The following ROBO2 variants were observed in gnomAD, a reference collection of about 807,000 sequenced individuals.
ROBO2 encodes the protein roundabout homolog 2.
ROBO2 carries 53 observed loss-of-function variants against 160.8 expected under a neutral mutation model. That is an observed-to-expected ratio of 0.33 (90% CI 0.26 to 0.41). ROBO2 has a LOEUF of 0.41. ROBO2 is among the 10% of genes least tolerant of loss of function. ROBO2 has a pLI of 1.00. For synonymous variants in ROBO2, 664 were observed against 611.7 expected (o/e 1.09, Z -1.26); for missense variants, 1,577 against 1,722.4 (o/e 0.92, Z 1.49).
intron 5 of ROBO2, among the ~76,000 whole-genome samples, chr3:77,513,281 C>G (rs2089629324): frequency 6.6e-6 from 1 of 151,726 alleles, no homozygotes; most frequent in South Asian, 2.1e-4. Context: ...GCTAGAAAAT[C>G]ATGAGAAGTT....
chr3:76,252,340 G>C (rs1245522057), intron 2 of ROBO2, among the ~76,000 whole-genome samples: 2 of 151,984 alleles, frequency 1.3e-5, no homozygotes, highest in African/African-American at 4.8e-5. Context: ...CAATGTATTT[G>C]ATGCTACTCA....
intron 2 of ROBO2, among the ~76,000 whole-genome samples, chr3:77,327,181 G>A (rs1195805264): frequency 2.0e-5 from 3 of 152,176 alleles, no homozygotes; most frequent in East Asian, 3.9e-4. Context: ...AACTCTCAAT[G>A]TAGCCGAATA....
chr3:76,331,711 C>T (rs148420395), intron 2 of ROBO2, among the ~76,000 whole-genome samples: 35 of 143,990 alleles, frequency 2.4e-4, no homozygotes, highest in Non-Finnish European at 4.3e-4. Flanking sequence ...TTTTTCGAGA[C>T]GTAATCTCAC....
At chr3:75,962,439 C>A (rs766962566) in intron 2 of ROBO2, among the ~76,000 whole-genome samples, 1 of 151,748 alleles carries the variant, frequency 6.6e-6, no homozygotes, top group Non-Finnish European at 1.5e-5. Context: ...TTAGATATAA[C>A]GTGTTTAACT....
chr3:75,951,021 T>C (rs777838571), intron 2 of ROBO2, among the ~76,000 whole-genome samples: 36 of 152,086 alleles, frequency 2.4e-4, no homozygotes, highest in Non-Finnish European at 3.4e-4. Flanking sequence ...GTTTTGATCT[T>C]TATTTACAAG....
chr3:76,126,104 G>A (rs1576962906), intron 2 of ROBO2, among the ~76,000 whole-genome samples: 2 of 152,234 alleles, frequency 1.3e-5, no homozygotes, highest in South Asian at 4.1e-4. Context: ...GTGAGCCACT[G>A]CACCCAGCCT....
intron 2 of ROBO2, among the ~76,000 whole-genome samples, chr3:76,720,549 G>A (rs778449010): frequency 4.6e-5 from 7 of 152,244 alleles, no homozygotes; most frequent in South Asian, 2.1e-4. Flanking sequence ...ATTCTTACTC[G>A]GTACAGATTT....
chr3:76,115,891 C>A (rs997039291), intron 2 of ROBO2, among the ~76,000 whole-genome samples: 1 of 152,098 alleles, frequency 6.6e-6, no homozygotes, highest in Non-Finnish European at 1.5e-5. Context: ...ATGTGCTATG[C>A]CACATAGATT....
At chr3:76,549,355 G>T (rs1314213964) in intron 2 of ROBO2, among the ~76,000 whole-genome samples, 1 of 152,200 alleles carries the variant, frequency 6.6e-6, no homozygotes, top group South Asian at 2.1e-4. Context: ...AGACCACAGT[G>T]GCTGTGGTGT....
At chr3:75,971,770 G>A (rs563585220) in intron 2 of ROBO2, among the ~76,000 whole-genome samples, 2 of 151,388 alleles carry the variant, frequency 1.3e-5, no homozygotes, top group Non-Finnish European at 3.0e-5. Flanking sequence ...AATTTTTCTT[G>A]TAACATTTTA....
chr3:77,150,458 C>A (rs948737744), intron 2 of ROBO2, among the ~76,000 whole-genome samples: 5 of 152,106 alleles, frequency 3.3e-5, no homozygotes, highest in Admixed American at 6.5e-5. Flanking sequence ...TTTTGGTAAT[C>A]TTTTTACTGC....
intron 2 of ROBO2, among the ~76,000 whole-genome samples, chr3:76,904,216 G>C (rs926415406): frequency 6.6e-6 from 1 of 151,972 alleles, no homozygotes; most frequent in Admixed American, 6.6e-5. Context: ...GCTCTGTTTA[G>C]TGTATCCTTA....
chr3:76,880,444 A>T lies in ROBO2; in HGVS notation c.110-217570A>T, dbSNP rs191554691. On this transcript the variant is annotated intron_variant, in intron 2 of 26. Coordinates refer to the ROBO2 transcript ENST00000487694. Reference sequence around the variant, plus strand: ...AGTGTGTAGGCAAAAGTATTTATTGAGTATAAAAAAGCATGCTGTCCTGAA... The same window carrying T: ...AGTGTGTAGGCAAAAGTATTTATTGTGTATAAAAAAGCATGCTGTCCTGAA... 2.0e-5 allele frequency among the ~76,000 whole-genome samples: 3 copies of T among 152,306 alleles called. No homozygotes were observed. The East Asian group carries it at 5.8e-4, about 29-fold the overall frequency.
rs1322247905 is a variant in ROBO2 at position 77,546,319 on chromosome 3, C to A, written c.935-19C>A. ...TCTATGGTTGATATTTACACGCTTT[C>A]TTTTCTTTTAAATTATAGCTCCCCC... is the stretch of plus-strand genomic sequence containing the variant. On this transcript the variant is annotated intron_variant, in intron 6 of 25. Transcript: ENST00000461745. 1 of 1,612,464 alleles carries A rather than the reference C, an allele frequency of 6.2e-7. No homozygotes were observed. The highest frequency in any genetic ancestry group is 2.2e-5 in the East Asian group (1 of 44,824).
At chr3:76,570,813 G>C (rs2084910723) in intron 2 of ROBO2, among the ~76,000 whole-genome samples, 1 of 152,064 alleles carries the variant, frequency 6.6e-6, no homozygotes, top group Non-Finnish European at 1.5e-5. Context: ...TTATAGCCCT[G>C]CTCCTCAAAT....
At chr3:77,274,464 C>A (rs976229850) in intron 2 of ROBO2, among the ~76,000 whole-genome samples, 8 of 151,986 alleles carry the variant, frequency 5.3e-5, no homozygotes, top group East Asian at 3.9e-4. Flanking sequence ...CCAAAAAAAA[C>A]CTGTCATAGA....
At chr3:76,165,156 G>C (rs12488427) in intron 2 of ROBO2, among the ~76,000 whole-genome samples, 12 of 152,090 alleles carry the variant, frequency 7.9e-5, no homozygotes, top group African/African-American at 2.9e-4. Flanking sequence ...TCTTCTTCCA[G>C]TACGAGGCTG....
At chr3:77,474,413 G>C (rs75081452) in intron 2 of ROBO2, among the ~76,000 whole-genome samples, 1 of 152,140 alleles carries the variant, frequency 6.6e-6, no homozygotes, top group Non-Finnish European at 1.5e-5. Flanking sequence ...GCTTTCCCTT[G>C]GCCCCTACAA....
intron 2 of ROBO2, among the ~76,000 whole-genome samples, chr3:77,252,637 C>T (rs1029477797): frequency 7.3e-5 from 11 of 150,442 alleles, no homozygotes; most frequent in Non-Finnish European, 1.6e-4. Context: ...GAAACCCCAT[C>T]TCTACTAAAA....
Sources: allele counts gnomAD v4.1 joint callset (sites outside exome capture counted in the v4.1 genomes callset), GRCh38; gene constraint gnomAD v4.1.1; transcripts MANE v1.5; gene names NCBI Gene and HGNC (gene_info 2026-07-23, HGNC 2026-07-21).